VPS35L: variants seen among roughly 807,000 people sequenced by gnomAD.
The protein encoded by VPS35L is VPS35 endosomal protein sorting factor like.
In VPS35L, 83 loss-of-function variants were observed where a neutral mutation model predicts 133.0. The observed-to-expected ratio is 0.62, with a 90% CI of 0.52 to 0.75. The LOEUF (loss-of-function observed/expected upper bound fraction) is 0.75, where lower values mean the gene tolerates loss of function less well. Ranked by LOEUF, VPS35L falls within the 30% of genes least tolerant of loss-of-function variation. The pLI is 0.00. For synonymous variants in VPS35L, 423 were observed against 449.9 expected (o/e 0.94, Z 0.76); for missense variants, 1,083 against 1,206.8 (o/e 0.90, Z 1.52).
chr16:19,652,338 A>G (rs1265914843), intron 26 of VPS35L: 1 of 335,028 alleles, frequency 3.0e-6, no homozygotes, highest in Non-Finnish European at 5.5e-6. Flanking sequence ...TAATGTTTTT[A>G]TTTTTATTTT....
At position 19,639,914 on chromosome 16, in the gene VPS35L, T is replaced by C; in HGVS notation, c.1699-101T>C. ...CTGACCCGACTCAGAGAGATGAACC[T>C]CTGTTCTGCTTCTTTGAACTCCACA... On this transcript the variant is annotated intron_variant, in intron 20 of 30. Coordinates refer to ENST00000417362, the MANE Select transcript of VPS35L (RefSeq NM_020314.7). This position sits in a 1 kb window ranked among gnomAD's most constrained non-coding sequence, Gnocchi z 4.1. 1.0e-6 allele frequency: 1 copy of C among 980,824 alleles called. No homozygotes were observed. The highest frequency in any genetic ancestry group is 1.6e-6 in the Non-Finnish European group (1 of 644,526). The allele number at this position is 980,824 out of a possible 1,614,324, so 60.8% of individuals were successfully genotyped here. A position where few individuals can be genotyped will look rare whatever the true frequency, so the allele number is the denominator to read the frequency against.
rs8056927 is a variant in VPS35L at position 19,633,202 on chromosome 16, T to C, written c.1635+30T>C. The C allele has an allele frequency of 0.011, 18,293 of 1,597,284 alleles. 1,214 individuals carry two copies. In the African/African-American group the frequency reaches 0.17, roughly 15 times the overall value. ...CAGATTTGCATTTCTCATTTCAACA[T>C]TGTTAGGAATTTTGTTCTGTTGAAT... On this transcript the variant is annotated intron_variant, in intron 19 of 30. Coordinates refer to ENST00000417362, the MANE Select transcript of VPS35L (RefSeq NM_020314.7). The surrounding 1 kb of genome is among the most constrained non-coding windows in gnomAD (Gnocchi z 4.1).
intron 10 of VPS35L, 76 bp from the exon 11 acceptor site, chr16:19,608,898 C>T: frequency 1.5e-6 from 2 of 1,345,526 alleles, no homozygotes; most frequent in South Asian, 1.2e-5. Flanking sequence ...TACTTCTATT[C>T]ATGGATAGTT....
chr16:19,632,815 C>A (rs924929687), intron 18 of VPS35L, among the ~76,000 whole-genome samples: 2 of 152,240 alleles, frequency 1.3e-5, no homozygotes, highest in African/African-American at 4.8e-5. Flanking sequence ...GAGAGAGGCA[C>A]GGCCGATTCA....
intron 8 of VPS35L, among the ~76,000 whole-genome samples, chr16:19,592,833 G>A (rs1167463959): frequency 3.3e-5 from 5 of 151,838 alleles, no homozygotes; most frequent in Non-Finnish European, 4.4e-5. Context: ...TTACAGGCAC[G>A]CACCACCACG....
chr16:19,564,244 A>AT (rs1364141942), intron 1 of VPS35L, among the ~76,000 whole-genome samples: 3 of 151,622 alleles, frequency 2.0e-5, no homozygotes, highest in African/African-American at 7.3e-5. Context: ...CGCCCGGCTA[A>AT]TTTTTTGTAT....
intron 29 of VPS35L, among the ~76,000 whole-genome samples, chr16:19,697,506 T>A (rs1039437522): frequency 6.6e-6 from 1 of 152,090 alleles, no homozygotes; most frequent in Non-Finnish European, 1.5e-5. Flanking sequence ...AGCTAATTTT[T>A]TTTTTCTTTT....
In VPS35L at chr16:19,650,457, C is replaced by T. The variant is rs768530425; in HGVS notation, c.2104C>T (p.Arg702Trp). The T allele has an allele frequency of 9.3e-6, 15 of 1,612,460 alleles. No individual in the cohort carries two copies. The highest frequency in any genetic ancestry group is 5.3e-5 in the African/African-American group (4 of 74,966). The change falls in exon 25 of 31, where the codon CGG (arginine) becomes TGG (tryptophan). Residue 702 changes from arginine (R) to tryptophan (W), a missense_variant and splice_region_variant. Arg to Trp is a moderately radical substitution (Grantham distance 101). Coordinates refer to ENST00000417362, the MANE Select transcript of VPS35L (RefSeq NM_020314.7). Reference protein sequence around the residue: ...NHSRKTAAFVRACVAYCFITI... With the variant: ...NHSRKTAAFVWACVAYCFITI... ...TTCCAGAAAGACAGCTGCATTTGTC[C>T]GGGTATGTTCTTAAGATAAGGACTG...
At chr16:19,647,979 G>A in intron 24 of VPS35L, 97 bp downstream of exon 24, 6 of 1,140,054 alleles carry the variant, frequency 5.3e-6, no homozygotes, top group Non-Finnish European at 7.8e-6. Flanking sequence ...TTAGAGACAG[G>A]GTCTCACTCT....
intron 18 of VPS35L, 69 bp downstream of exon 18, chr16:19,629,889 T>C: frequency 6.9e-7 from 1 of 1,457,266 alleles, no homozygotes; most frequent in Non-Finnish European, 9.6e-7. Flanking sequence ...TGAATTAGCC[T>C]AGTTTAGGTA....
chr16:19,620,752 A>G (rs988757637), intron 14 of VPS35L, among the ~76,000 whole-genome samples: 3 of 152,116 alleles, frequency 2.0e-5, no homozygotes, highest in African/African-American at 7.2e-5. Flanking sequence ...GGAGTTTGAG[A>G]CCAGCCTGGC....
chr16:19,600,540 A>G (rs1430165979), intron 8 of VPS35L, among the ~76,000 whole-genome samples: 3 of 152,194 alleles, frequency 2.0e-5, no homozygotes, highest in Non-Finnish European at 2.9e-5. Flanking sequence ...AAAGTGACCC[A>G]TGACCTACAA....
chr16:19,650,327 C>A, intron 24 of VPS35L, 55 bp from the exon 25 acceptor site: 1 of 1,354,752 alleles, frequency 7.4e-7, no homozygotes, highest in Non-Finnish European at 1.1e-6. Flanking sequence ...ATGGAAGACA[C>A]TCATCTGAAT....
At position 19,627,765 on chromosome 16, in the gene VPS35L, T is replaced by C. The variant is rs747803384; in HGVS notation, c.1343T>C (p.Ile448Thr). The change falls in exon 16 of 31, where the codon ATT (isoleucine) becomes ACT (threonine). Residue 448 changes from isoleucine to threonine, a missense_variant. By Grantham distance (89) the Ile-to-Thr change is moderately conservative. Transcript: ENST00000417362. ...ATCGCCACAAGGTCTATGGATTTCA[T>C]TGGCATGATTAAAGAGTGTGATGAA... is the stretch of plus-strand genomic sequence containing the variant. ...EFIATRSMDF[I>T]GMIKECDESG... is the part of the protein sequence containing the mutation. 31 of 1,613,944 alleles carry C rather than the reference T, an allele frequency of 1.9e-5. No individual in the cohort carries two copies. The highest frequency in any genetic ancestry group is 8.8e-5 in the South Asian group (8 of 91,090).
chr16:19,634,411 C>T (rs548078414), intron 19 of VPS35L, among the ~76,000 whole-genome samples: 1 of 125,016 alleles, frequency 8.0e-6, no homozygotes, highest in African/African-American at 3.3e-5. Context: ...GAGAGAGACA[C>T]GGTCTCAAAA....
At chr16:19,671,095 T>G (rs982709941) in intron 27 of VPS35L, among the ~76,000 whole-genome samples, 5 of 152,222 alleles carry the variant, frequency 3.3e-5, no homozygotes, top group Non-Finnish European at 5.9e-5. Context: ...ACAGAAGCAT[T>G]GAAAAAATAT....
At chr16:19,614,101 T>C (rs1972812576) in intron 12 of VPS35L, among the ~76,000 whole-genome samples, 1 of 152,180 alleles carries the variant, frequency 6.6e-6, no homozygotes, top group Non-Finnish European at 1.5e-5. Context: ...CCGCTTCAGC[T>C]CATCTCCATG....
intron 26 of VPS35L, among the ~76,000 whole-genome samples, chr16:19,666,896 CTT>C (rs201034385): frequency 9.5e-6 from 1 of 104,998 alleles, no homozygotes; most frequent in African/African-American, 4.2e-5. Flanking sequence ...TTCTTTCTTT[CTT>C]TCTTTCTTTC....
At chr16:19,686,234 T>G (rs1048156258) in intron 28 of VPS35L, among the ~76,000 whole-genome samples, 1 of 152,160 alleles carries the variant, frequency 6.6e-6, no homozygotes, top group Non-Finnish European at 1.5e-5. Context: ...GGGAGGCTTT[T>G]AGACGATGTT....
Sources: allele counts gnomAD v4.1 joint callset (sites outside exome capture counted in the v4.1 genomes callset), GRCh38; gene constraint gnomAD v4.1.1; non-coding constraint Gnocchi (gnomAD v3.1); transcripts MANE v1.5; gene names NCBI Gene and HGNC (gene_info 2026-07-23, HGNC 2026-07-21).